Variants in NRXN1 observed in about 807,000 individuals in gnomAD.
NRXN1 encodes the protein neurexin 1.
NRXN1 carries 39 observed loss-of-function variants against 150.9 expected under a neutral mutation model. The ratio of observed to expected loss-of-function variants is 0.26; its 90% CI spans 0.20 to 0.34. The LOEUF is 0.34. NRXN1 is among the 10% of genes least tolerant of loss of function. The pLI is 1.00. For missense variants in NRXN1, 1,815 were observed against 1,949.9 expected, an observed-to-expected ratio of 0.93 and a Z score of 1.30; for synonymous variants, 924 against 757.0, an observed-to-expected ratio of 1.22 and a Z score of -3.62.
chr2:50,564,948 A>C (rs898311094), intron 8 of NRXN1, among the ~76,000 whole-genome samples: 42 of 152,296 alleles, frequency 2.8e-4, no homozygotes, highest in Admixed American at 3.9e-4. Context: ...ACACGTTAGA[A>C]AATTTTTGGC....
chr2:49,977,239 G>T (rs996061992), intron 21 of NRXN1, among the ~76,000 whole-genome samples: 2 of 152,138 alleles, frequency 1.3e-5, no homozygotes, highest in African/African-American at 4.8e-5. Context: ...ACATAAAAGT[G>T]CTGTAAATCA....
At chr2:50,500,760 A>C (rs955911841) in intron 13 of NRXN1, among the ~76,000 whole-genome samples, 2 of 152,216 alleles carry the variant, frequency 1.3e-5, no homozygotes, top group East Asian at 3.8e-4. Context: ...CAATATTTCC[A>C]AGTCAAATAT....
chr2:50,026,859 CTTTTTTTTTTTTTTTTTTTTT>C lies in NRXN1; in HGVS notation c.4128+26391_4128+26411del, dbSNP rs57580154. On this transcript the variant is annotated intron_variant, in intron 21 of 22. Transcript: ENST00000401669. ...TTGCATTGTTTAAGTCTTTTCTTTT[CTTTTTTTTTTTTTTTTTTTTT>C]TTTTTTTTTTTTTTTTTTGAGACGG... Among the ~76,000 whole-genome samples, 36 of 65,238 alleles carry C rather than the reference CTTTTTTTTTTTTTTTTTTTTT, an allele frequency of 5.5e-4. 1 individual carries two copies. The highest frequency in any genetic ancestry group is 1.9e-3 in the Admixed American group (8 of 4,172). 42.8% of individuals were successfully genotyped at this position (65,238 alleles called of 152,430 possible). A position where few individuals can be genotyped will look rare whatever the true frequency, so the allele number is the denominator to read the frequency against.
chr2:50,150,442 A>G (rs141828658), intron 18 of NRXN1, among the ~76,000 whole-genome samples: 175 of 151,894 alleles, frequency 1.2e-3, no homozygotes, highest in African/African-American at 4.0e-3. Flanking sequence ...AAAGCTTACT[A>G]CTTTGTGCAA....
intron 18 of NRXN1, among the ~76,000 whole-genome samples, chr2:50,220,397 C>G (rs991972979): frequency 6.6e-6 from 1 of 151,864 alleles, no homozygotes; most frequent in African/African-American, 2.4e-5. Flanking sequence ...TATGCCAACC[C>G]TGCTGAAGAA....
chr2:50,819,458 T>C (rs992399922), intron 5 of NRXN1, among the ~76,000 whole-genome samples: 7 of 152,058 alleles, frequency 4.6e-5, no homozygotes, highest in Non-Finnish European at 1.0e-4. Flanking sequence ...TCCACTTCTA[T>C]GAGGTACCTA....
At chr2:50,168,617 C>A (rs1011119358) in intron 18 of NRXN1, among the ~76,000 whole-genome samples, 1 of 152,156 alleles carries the variant, frequency 6.6e-6, no homozygotes, top group South Asian at 2.1e-4. Context: ...TTGCCAGAAT[C>A]TTCTGATTCT....
At chr2:50,080,191 A>G (rs4343503) in intron 19 of NRXN1, among the ~76,000 whole-genome samples, 41,398 of 151,876 alleles carry the variant, frequency 0.27, 5,992 homozygotes, top group East Asian at 0.4. Flanking sequence ...GTATAGTACA[A>G]TAAGAAATTT....
intron 10 of NRXN1, 27 bp downstream of exon 10, chr2:50,538,226 T>A (rs759814726): frequency 3.1e-6 from 5 of 1,591,134 alleles, no homozygotes; most frequent in Non-Finnish European, 4.3e-6. Flanking sequence ...TCTCAGGGAG[T>A]TGGCTGCTGG....
intron 18 of NRXN1, among the ~76,000 whole-genome samples, chr2:50,098,865 T>TGG (rs1700631985): frequency 5.8e-5 from 5 of 86,396 alleles, no homozygotes; most frequent in African/African-American, 2.5e-4. Flanking sequence ...TTTTTTTTTT[T>TGG]TTTTTTTTTT....
At chr2:51,018,035 C>A (rs1402134160) in intron 2 of NRXN1, among the ~76,000 whole-genome samples, 1 of 152,040 alleles carries the variant, frequency 6.6e-6, no homozygotes, top group Non-Finnish European at 1.5e-5. Flanking sequence ...GTGGATTCTG[C>A]TGAATCTAGC....
Position 50,799,815 on chromosome 2 carries a change from A to T in NRXN1, c.832+122054T>A, listed in dbSNP as rs141945329. ...GTAACTCCATGGTAAGTCAAGAAGC[A>T]TCTGTATTTGTTTAGAAAATACTTG... On this transcript the variant is annotated intron_variant, in intron 5 of 22. Transcript: ENST00000401669. 1.2e-4 allele frequency among the ~76,000 whole-genome samples: 18 copies of T among 152,284 alleles called. No homozygotes were observed. In the East Asian group the frequency reaches 3.5e-3, roughly 29 times the overall value.
chr2:50,847,694 G>T (rs911025235), intron 5 of NRXN1, among the ~76,000 whole-genome samples: 2 of 152,304 alleles, frequency 1.3e-5, no homozygotes, highest in Admixed American at 6.5e-5. Flanking sequence ...ACAAGCTGCT[G>T]GACGGCGAGA....
intron 17 of NRXN1, among the ~76,000 whole-genome samples, chr2:50,272,545 A>G (rs1574862229): frequency 1.3e-5 from 2 of 152,318 alleles, no homozygotes; most frequent in East Asian, 3.9e-4. Flanking sequence ...TGAAGTCAAA[A>G]GAAAACACAG....
intron 18 of NRXN1, among the ~76,000 whole-genome samples, chr2:50,121,937 T>C (rs1703915249): frequency 6.6e-6 from 1 of 152,184 alleles, no homozygotes; most frequent in Non-Finnish European, 1.5e-5. Flanking sequence ...AAGGACATAC[T>C]AAATAAACAA....
At chr2:50,429,943 A>G (rs2084818422) in intron 17 of NRXN1, among the ~76,000 whole-genome samples, 1 of 152,190 alleles carries the variant, frequency 6.6e-6, no homozygotes, top group Admixed American at 6.5e-5. Flanking sequence ...GAAAAATTGC[A>G]TTGATTTACA....
At chr2:50,181,710 G>A (rs575901735) in intron 18 of NRXN1, among the ~76,000 whole-genome samples, 26 of 151,814 alleles carry the variant, frequency 1.7e-4, no homozygotes, top group Non-Finnish European at 3.7e-4. Flanking sequence ...TTGTTTACTT[G>A]AATGAGAATA....
chr2:50,437,138 T>C (rs544956977), intron 17 of NRXN1, among the ~76,000 whole-genome samples: 6 of 152,344 alleles, frequency 3.9e-5, no homozygotes, highest in African/African-American at 1.4e-4. Context: ...TATTTTATTT[T>C]TACAAAATGA....
chr2:50,630,609 T>A (rs566260033), intron 5 of NRXN1, among the ~76,000 whole-genome samples: 193 of 151,880 alleles, frequency 1.3e-3, no homozygotes, highest in African/African-American at 4.4e-3. Flanking sequence ...GTCAAGTCAT[T>A]TTTGTATGCC....
Sources: gnomAD v4.1 joint callset for allele counts (sites outside exome capture counted in the v4.1 genomes callset) on GRCh38, gnomAD v4.1.1 for gene constraint, MANE v1.5 for transcripts, NCBI Gene and HGNC (gene_info 2026-07-23, HGNC 2026-07-21) for gene names.